The following HEATR4 variants were observed in gnomAD, a reference collection of about 807,000 sequenced individuals.
HEATR4 encodes HEAT repeat-containing protein 4.
Under a neutral mutation model 108.8 loss-of-function variants are expected in HEATR4, and 95 were observed. The ratio of observed to expected loss-of-function variants is 0.87; its 90% CI spans 0.74 to 1.04. The LOEUF (loss-of-function observed/expected upper bound fraction) is 1.04. Ranked by LOEUF, HEATR4 falls within the 50% of genes least tolerant of loss-of-function variation. The probability of loss-of-function intolerance (pLI) is 0.00; values close to 1 mark genes in which losing one functional copy is unlikely to be tolerated. For missense variants in HEATR4, 1,152 were observed against 1,253.8 expected (o/e 0.92, Z 1.23); for synonymous variants, 443 against 459.4 (o/e 0.96, Z 0.46).
the HEATR4 span, chr14:73,595,186 C>T: frequency 1.5e-5 from 25 of 1,614,214 alleles, no homozygotes; most frequent in South Asian, 2.5e-4. Flanking sequence ...CAGCCATCAA[C>T]TATAAGCACA....
chr14:73,629,806 G>A, the HEATR4 span, among the ~76,000 whole-genome samples: 5 of 151,790 alleles, frequency 3.3e-5, no homozygotes, highest in South Asian at 2.1e-4. Context: ...CACCAAGCCC[G>A]GCTAATTTTT....
At chr14:73,495,980 A>T (rs940072960) in intron 15 of HEATR4, among the ~76,000 whole-genome samples, 2 of 152,186 alleles carry the variant, frequency 1.3e-5, no homozygotes, top group Non-Finnish European at 2.9e-5. Flanking sequence ...ATACAAAAAA[A>T]TTAGTTGGGT....
chr14:73,595,719 G>A, the HEATR4 span: 1 of 1,474,498 alleles, frequency 6.8e-7, no homozygotes. Flanking sequence ...AACCCTATGT[G>A]AATCAGATGT....
chr14:73,585,637 C>T, the HEATR4 span, among the ~76,000 whole-genome samples: 12 of 151,804 alleles, frequency 7.9e-5, no homozygotes, highest in African/African-American at 1.7e-4. Context: ...TCCAATGAGC[C>T]GGGATCGCAC....
chr14:73,585,979 A>T, the HEATR4 span, among the ~76,000 whole-genome samples: 2 of 142,474 alleles, frequency 1.4e-5, no homozygotes, highest in South Asian at 4.5e-4. Context: ...ACTGCACTCC[A>T]GTCTGGGCGA....
chr14:73,511,926 C>T (rs918788808), intron 7 of HEATR4, 80 bp downstream of exon 7: 9 of 1,567,658 alleles, frequency 5.7e-6, no homozygotes, highest in Non-Finnish European at 7.9e-6. Flanking sequence ...CTCAGATAAG[C>T]CCTGGGTCCC....
the HEATR4 span, among the ~76,000 whole-genome samples, chr14:73,602,558 T>C: frequency 1.3e-5 from 2 of 152,198 alleles, no homozygotes; most frequent in Non-Finnish European, 2.9e-5. Context: ...CCTTGTCCAC[T>C]AGAGGCAAGT....
chr14:73,588,379 G>A, the HEATR4 span, among the ~76,000 whole-genome samples: 1 of 151,922 alleles, frequency 6.6e-6, no homozygotes, highest in Non-Finnish European at 1.5e-5. Flanking sequence ...AAGTTCCTCC[G>A]TTACACTCAT....
chr14:73,593,336 C>CTTTTTTTTT, the HEATR4 span, among the ~76,000 whole-genome samples: 109 of 104,844 alleles, frequency 1.0e-3, no homozygotes, highest in East Asian at 1.4e-3. Context: ...TTCTTTCTTT[C>CTTTTTTTTT]TTTTTTTTTT....
chr14:73,524,166 C>T (rs1888153704), intron 2 of HEATR4, among the ~76,000 whole-genome samples: 1 of 151,124 alleles, frequency 6.6e-6, no homozygotes. Context: ...GTGGCATGTG[C>T]CTGTAATCCC....
chr14:73,583,348 C>CAA, the HEATR4 span, among the ~76,000 whole-genome samples: 12 of 129,096 alleles, frequency 9.3e-5, no homozygotes, highest in Non-Finnish European at 1.3e-4. Flanking sequence ...GACTCCGTCT[C>CAA]AAAAAAAAAA....
chr14:73,564,600 C>T, the HEATR4 span, among the ~76,000 whole-genome samples: 2 of 151,604 alleles, frequency 1.3e-5, no homozygotes, highest in Non-Finnish European at 2.9e-5. Flanking sequence ...AGTGAGACAC[C>T]CCGTCTTAAA....
chr14:73,590,433 G>C, the HEATR4 span, among the ~76,000 whole-genome samples: 1 of 152,272 alleles, frequency 6.6e-6, no homozygotes, highest in Non-Finnish European at 1.5e-5. Flanking sequence ...GATGCCGCAC[G>C]GGGTTCGCAG....
chr14:73,616,849 TATC>T, the HEATR4 span: 2 of 574,424 alleles, frequency 3.5e-6, no homozygotes, highest in Non-Finnish European at 6.2e-6. Context: ...CCCTCTATAT[TATC>T]ATTATTGTTT....
At chr14:73,616,520 C>T in the HEATR4 span, among the ~76,000 whole-genome samples, 1 of 151,924 alleles carries the variant, frequency 6.6e-6, no homozygotes, top group African/African-American at 2.4e-5. Context: ...TGGCAAAACC[C>T]AGTCTCTACT....
the HEATR4 span, chr14:73,592,233 C>T: frequency 6.2e-7 from 1 of 1,613,040 alleles, no homozygotes; most frequent in Non-Finnish European, 8.5e-7. Context: ...GCCTTTTTGG[C>T]GCTTCCTGAA....
At chr14:73,551,123 C>A (rs1204467433) in intron 1 of HEATR4, among the ~76,000 whole-genome samples, 1 of 109,636 alleles carries the variant, frequency 9.1e-6, no homozygotes, top group African/African-American at 3.0e-5. Context: ...GAGATCGTGC[C>A]ATTGCACTCC....
intron 5 of HEATR4, among the ~76,000 whole-genome samples, chr14:73,515,422 G>A (rs1262331150): frequency 6.6e-6 from 1 of 151,936 alleles, no homozygotes; most frequent in Non-Finnish European, 1.5e-5. Flanking sequence ...GCTCATGCCT[G>A]TAATCCCAGC....
At chr14:73,623,404 G>C in the HEATR4 span, among the ~76,000 whole-genome samples, 3 of 152,234 alleles carry the variant, frequency 2.0e-5, no homozygotes, top group African/African-American at 7.2e-5. Context: ...TGATCCCCAG[G>C]TGGGCATGGT....
Sources: allele counts gnomAD v4.1 joint callset (sites outside exome capture counted in the v4.1 genomes callset), GRCh38; gene constraint gnomAD v4.1.1; transcripts MANE v1.5; gene names NCBI Gene and HGNC (gene_info 2026-07-23, HGNC 2026-07-21).